The following GREB1L variants were observed in gnomAD, a reference collection of about 807,000 sequenced individuals.
GREB1L encodes the protein GREB1 like retinoic acid receptor coactivator, also known as GREB1-like protein.
GREB1L carries 17 observed loss-of-function variants against 200.8 expected under a neutral mutation model. That is an observed-to-expected ratio of 0.08 (90% confidence interval 0.06 to 0.13). The LOEUF is 0.13. Among genes scored for constraint, GREB1L ranks in the 10% least tolerant of loss-of-function variants. The pLI is 1.00. For synonymous variants in GREB1L, 789 were observed against 893.0 expected (o/e 0.88, Z 2.08); for missense variants, 1,657 against 2,367.7 (o/e 0.70, Z 6.23).
At chr18:21,253,903 CATAGCTCACTGCAGCCTCGA>C (rs2037756125) in intron 1 of GREB1L, among the ~76,000 whole-genome samples, 1 of 141,620 alleles carries the variant, frequency 7.1e-6, no homozygotes, top group Non-Finnish European at 1.5e-5. Context: ...GTGGCACAAT[CATAGCTCACTGCAGCCTCGA>C]ACTCCTGGGC....
chr18:21,352,502 C>T (rs925956228), intron 1 of GREB1L, among the ~76,000 whole-genome samples: 12 of 150,176 alleles, frequency 8.0e-5, no homozygotes, highest in Non-Finnish European at 1.6e-4. Context: ...GGTGAGATCT[C>T]GGCTCACTGT....
At chr18:21,511,216 TA>T (rs2037225351) in intron 27 of GREB1L, among the ~76,000 whole-genome samples, 1 of 151,996 alleles carries the variant, frequency 6.6e-6, no homozygotes, top group Non-Finnish European at 1.5e-5. Context: ...AATACAAAAT[TA>T]GCCTGGCATG....
At chr18:21,270,507 A>G (rs188275292) in intron 1 of GREB1L, among the ~76,000 whole-genome samples, 3 of 152,286 alleles carry the variant, frequency 2.0e-5, no homozygotes, top group Admixed American at 2.0e-4. Context: ...GGCCCCAGAT[A>G]CTATAAGCCC....
chr18:21,298,487 CTTA>C (rs1285423383), intron 1 of GREB1L, among the ~76,000 whole-genome samples: 1 of 152,166 alleles, frequency 6.6e-6, no homozygotes, highest in African/African-American at 2.4e-5. Context: ...TGGACCATAT[CTTA>C]TTCTTCGTTG....
At chr18:21,513,333 A>C (rs2037305881) in intron 27 of GREB1L, among the ~76,000 whole-genome samples, 1 of 152,168 alleles carries the variant, frequency 6.6e-6, no homozygotes, top group Non-Finnish European at 1.5e-5. Context: ...GAAGTATCTA[A>C]AGCAGGGGAC....
Position 21,524,767 on chromosome 18 carries a change from T to A in GREB1L, c.*1946T>A, listed in dbSNP as rs1450964980. 2.0e-5 allele frequency: 3 copies of A among 152,064 alleles called. No homozygotes were observed. The highest frequency in any genetic ancestry group is 7.2e-5 in the African/African-American group (3 of 41,422). 9.4% of individuals were successfully genotyped at this position (152,064 alleles called of 1,614,324 possible). A position where few individuals can be genotyped will look rare whatever the true frequency, so the allele number is the denominator to read the frequency against. Reference sequence around the variant, plus strand: ...GGTACTCCATTAGTTAGGGCTGCACTCTGAAAATTCAAATTATTATTATGA... The same window carrying A: ...GGTACTCCATTAGTTAGGGCTGCACACTGAAAATTCAAATTATTATTATGA... On this transcript the variant is annotated 3_prime_UTR_variant, in exon 33 of 33. Coordinates refer to ENST00000424526, the MANE Select transcript of GREB1L (RefSeq NM_001142966.3).
At chr18:21,521,000 T>C (rs1490334579) in intron 32 of GREB1L, among the ~76,000 whole-genome samples, 177 bp downstream of exon 32, 2 of 151,892 alleles carry the variant, frequency 1.3e-5, no homozygotes, top group Admixed American at 6.6e-5. Context: ...ATCGAGACCA[T>C]CCTGGCTAGC....
At chr18:21,304,948 A>G (rs573966475) in intron 1 of GREB1L, among the ~76,000 whole-genome samples, 4 of 151,234 alleles carry the variant, frequency 2.6e-5, no homozygotes, top group Admixed American at 1.3e-4. Context: ...TGAACATCTC[A>G]TCTAAATTAT....
chr18:21,382,577 C>T (rs186815996), intron 2 of GREB1L, among the ~76,000 whole-genome samples: 171 of 151,380 alleles, frequency 1.1e-3, no homozygotes, highest in African/African-American at 3.5e-3. Flanking sequence ...CTGCAACCTC[C>T]GCCTCCCGGA....
intron 1 of GREB1L, among the ~76,000 whole-genome samples, chr18:21,359,276 C>G (rs540432013): frequency 1.3e-5 from 2 of 152,274 alleles, no homozygotes; most frequent in South Asian, 4.1e-4. Context: ...ATGGTGAAAT[C>G]CCGTTTCTAC....
Position 21,497,080 on chromosome 18 carries a change from A to C in GREB1L, c.3391+382A>C, listed in dbSNP as rs547697196. On this transcript the variant is annotated intron_variant, in intron 21 of 32. Transcript: ENST00000424526. ...GCTGTATGTTTGTGCTAAATGGCTT[A>C]GTACCTGGCACAAAATGTTTCCTAG... is the stretch of plus-strand genomic sequence containing the variant. 4.6e-5 allele frequency among the ~76,000 whole-genome samples: 7 copies of C among 152,308 alleles called. No individual in the cohort carries two copies. The South Asian group carries it at 6.2e-4, about 14-fold the overall frequency.
intron 1 of GREB1L, among the ~76,000 whole-genome samples, chr18:21,258,171 G>C (rs1264255499): frequency 6.6e-6 from 1 of 152,164 alleles, no homozygotes; most frequent in Non-Finnish European, 1.5e-5. Flanking sequence ...TGCTGTTCTT[G>C]CTGAAGGTGC....
chr18:21,266,392 A>T (rs895965447), intron 1 of GREB1L, among the ~76,000 whole-genome samples: 12 of 152,206 alleles, frequency 7.9e-5, no homozygotes, highest in African/African-American at 2.9e-4. Context: ...GGGCTGACAT[A>T]TGCAGCTGGA....
chr18:21,262,850 A>T (rs1315824806), intron 1 of GREB1L, among the ~76,000 whole-genome samples: 1 of 152,206 alleles, frequency 6.6e-6, no homozygotes, highest in Non-Finnish European at 1.5e-5. Flanking sequence ...ACAAGTTAGT[A>T]TGAATATTTT....
chr18:21,438,786 ATC>A (rs1403801079), intron 7 of GREB1L, among the ~76,000 whole-genome samples: 1 of 151,384 alleles, frequency 6.6e-6, no homozygotes, highest in African/African-American at 2.4e-5. Context: ...GTGAAACCCC[ATC>A]TCTACTAAAA....
chr18:21,402,008 A>G (rs1263909362), intron 6 of GREB1L: 2 of 152,146 alleles, frequency 1.3e-5, no homozygotes, highest in Non-Finnish European at 1.5e-5. Context: ...ACTATGAAAA[A>G]CAGCATAATA....
rs578208179 is a variant in GREB1L, at chr18:21,307,859, A to G, written c.-119-58168A>G. Among the ~76,000 whole-genome samples, 5 of 152,124 alleles carry G rather than the reference A, an allele frequency of 3.3e-5. No homozygotes were observed. The East Asian group carries it at 9.7e-4, about 29-fold the overall frequency. The stretch of plus-strand genomic sequence containing the variant: ...ACCTAAGGTCATGGTTCTTCCCTAT[A>G]AGACTTTCTCCTTTGGGGTTCCTGT... On this transcript the variant is annotated intron_variant, in intron 1 of 32. Coordinates refer to ENST00000424526, the MANE Select transcript of GREB1L (RefSeq NM_001142966.3).
At chr18:21,362,953 A>G (rs2039600321) in intron 1 of GREB1L, among the ~76,000 whole-genome samples, 2 of 152,212 alleles carry the variant, frequency 1.3e-5, no homozygotes, top group Admixed American at 1.3e-4. Context: ...AGCCCTTCCC[A>G]GAATCCTCTT....
chr18:21,394,936 A>AAG (rs2040979798), intron 4 of GREB1L, among the ~76,000 whole-genome samples: 1 of 148,728 alleles, frequency 6.7e-6, no homozygotes, highest in African/African-American at 2.5e-5. Context: ...TCTACTAAAA[A>AAG]AAAAAAAAAA....
Sources: gnomAD v4.1 joint callset for allele counts (sites outside exome capture counted in the v4.1 genomes callset) on GRCh38, gnomAD v4.1.1 for gene constraint, MANE v1.5 for transcripts, NCBI Gene and HGNC (gene_info 2026-07-23, HGNC 2026-07-21) for gene names.